The following PCDHGA3 variants were observed in gnomAD, a reference collection of about 807,000 sequenced individuals.
PCDHGA3 encodes protocadherin gamma-A3.
Under a neutral mutation model 58.5 loss-of-function variants are expected in PCDHGA3, and 40 were observed. The observed-to-expected ratio is 0.68, with a 90% confidence interval of 0.53 to 0.89. PCDHGA3 has a LOEUF of 0.89. Among genes scored for constraint, PCDHGA3 ranks in the 40% least tolerant of loss-of-function variants. The probability of loss-of-function intolerance (pLI) is 0.00; values close to 1 mark genes in which losing one functional copy is unlikely to be tolerated. For synonymous variants in PCDHGA3, 530 were observed against 525.7 expected (o/e 1.01, Z -0.11); for missense variants, 1,223 against 1,195.9 (o/e 1.02, Z -0.33).
chr5:141,496,225 G>C (rs112222482), intron 2 of PCDHGA3, among the ~76,000 whole-genome samples: 178 of 152,276 alleles, frequency 1.2e-3, no homozygotes, highest in Non-Finnish European at 1.8e-3. Context: ...TGCTGAGACA[G>C]GAACCCCCTG....
chr5:141,345,533 C>T lies in PCDHGA3; in HGVS notation c.1500C>T (p.Pro500=), dbSNP rs1283128713. ...ALTEDTLQGA[P]LSSFVSINSN... is the part of the protein sequence containing the mutation. ...CCGAGGACACTCTCCAGGGGGCGCC[C>T]CTGTCCTCCTTCGTCTCTATCAACT... is the stretch of plus-strand genomic sequence containing the variant. Residue 500 remains proline, a synonymous_variant, in exon 1 of 4, where the codon CCC becomes CCT. Coordinates refer to ENST00000253812, the MANE Select transcript of PCDHGA3 (RefSeq NM_018916.4). The T allele has an allele frequency of 1.9e-6, 3 of 1,614,176 alleles. No individual in the cohort carries two copies. The highest frequency in any genetic ancestry group is 4.5e-5 in the East Asian group (2 of 44,880).
Position 141,345,077 on chromosome 5 carries a change from A to T in PCDHGA3, c.1044A>T (p.Thr348=). The T allele has an allele frequency of 1.2e-6, 2 of 1,613,982 alleles. No homozygotes were observed. Among genetic ancestry groups the T allele is most frequent in the Non-Finnish European group, 1.7e-6 (2 of 1,179,878 alleles). Residue 348 remains threonine (T), a synonymous_variant, in exon 1 of 4, where the codon ACA becomes ACT. Coordinates refer to ENST00000253812, the MANE Select transcript of PCDHGA3 (RefSeq NM_018916.4). ...LDVNDNAPEI[T]ITSLTSSVPE... is the part of the protein sequence containing the mutation. ...TGAATGACAATGCTCCAGAAATTACAATCACGTCTCTCACAAGCTCAGTCC... is the reference window on the plus strand; with the variant it reads ...TGAATGACAATGCTCCAGAAATTACTATCACGTCTCTCACAAGCTCAGTCC...
intron 1 of PCDHGA3, chr5:141,362,657 G>A (rs564342376): frequency 1.6e-5 from 23 of 1,396,834 alleles, no homozygotes; most frequent in Admixed American, 2.6e-5. Flanking sequence ...GTTAGATTTG[G>A]CCAATGTTGT....
rs1230384508 is a variant in PCDHGA3 at position 141,490,990 on chromosome 5, C to T, written c.2425-3817C>T. On this transcript the variant is annotated intron_variant, in intron 1 of 3. Coordinates refer to ENST00000253812, the MANE Select transcript of PCDHGA3 (RefSeq NM_018916.4). The surrounding 1 kb of genome is among the most constrained non-coding windows in gnomAD (Gnocchi z 5.4). ...CCCCCAGCGTCTCCCTCGCTCTGCT[C>T]CTCCTGGCTCCTTGGTCACCAAGGT... 6 of 1,614,102 alleles carry T rather than the reference C, an allele frequency of 3.7e-6. No homozygotes were observed. The highest frequency in any genetic ancestry group is 1.3e-5 in the African/African-American group (1 of 75,064).
chr5:141,405,439 A>G (rs1285285172), intron 1 of PCDHGA3: 1 of 1,423,798 alleles, frequency 7.0e-7, no homozygotes, highest in Admixed American at 2.0e-5. Context: ...TTTGTTTTTG[A>G]GACAGAGTCT....
intron 1 of PCDHGA3, chr5:141,383,669 T>C (rs1208890643): frequency 1.2e-6 from 2 of 1,613,784 alleles, no homozygotes; most frequent in Non-Finnish European, 1.7e-6. Flanking sequence ...AATGTGCCAG[T>C]GGGTACAAGA....
In PCDHGA3 at chr5:141,489,406, A is replaced by T; in HGVS notation, c.2425-5401A>T. 6.2e-7 allele frequency: 1 copy of T among 1,614,166 alleles called. No individual in the cohort carries two copies. Among genetic ancestry groups the T allele is most frequent in the Non-Finnish European group, 8.5e-7 (1 of 1,180,028 alleles). Reference sequence around the variant, plus strand: ...TGTTGCTCAGGATCTGGGCTTAAAGATGACAGATCTGTTGAGCCGGCGGCT... The same window carrying T: ...TGTTGCTCAGGATCTGGGCTTAAAGTTGACAGATCTGTTGAGCCGGCGGCT... On this transcript the variant is annotated intron_variant, in intron 1 of 3. Coordinates refer to ENST00000253812, the MANE Select transcript of PCDHGA3 (RefSeq NM_018916.4). This position sits in a 1 kb window ranked among gnomAD's most constrained non-coding sequence, Gnocchi z 4.5.
rs1452714844 is a variant in PCDHGA3, at chr5:141,389,265, G to A, written c.2424+42808G>A. ...GTCTTCCTATATAGTCCACGTGGCC[G>A]AGAACAACCCGCCTGGAGCCTCTAT... On this transcript the variant is annotated intron_variant, in intron 1 of 3. Transcript: ENST00000253812. 3.7e-6 allele frequency: 6 copies of A among 1,613,886 alleles called. No homozygotes were observed. The highest frequency in any genetic ancestry group is 4.5e-5 in the East Asian group (2 of 44,886).
chr5:141,489,427 C>G lies in PCDHGA3; in HGVS notation c.2425-5380C>G, dbSNP rs370540900. ...AAAGATGACAGATCTGTTGAGCCGG[C>G]GGCTGCAATTGGGCTCTGAGGAGAA... On this transcript the variant is annotated intron_variant, in intron 1 of 3. Transcript: ENST00000253812. The surrounding 1 kb of genome is among the most constrained non-coding windows in gnomAD (Gnocchi z 4.5). 6.2e-7 allele frequency: 1 copy of G among 1,614,108 alleles called. No homozygotes were observed. Among genetic ancestry groups the G allele is most frequent in the South Asian group, 1.1e-5 (1 of 91,086 alleles).
At chr5:141,421,913 T>C in intron 1 of PCDHGA3, 1 of 1,613,710 alleles carries the variant, frequency 6.2e-7, no homozygotes, top group Non-Finnish European at 8.5e-7. Context: ...GCAGTTCCCA[T>C]TCGTGTGGTG....
At chr5:141,355,234 C>A in intron 1 of PCDHGA3, 1 of 1,612,190 alleles carries the variant, frequency 6.2e-7, no homozygotes, top group Non-Finnish European at 8.5e-7. Flanking sequence ...AGACCACACC[C>A]GGCTGCTCCA....
chr5:141,444,762 T>A (rs767523211), intron 1 of PCDHGA3, among the ~76,000 whole-genome samples: 2 of 152,248 alleles, frequency 1.3e-5, no homozygotes, highest in Non-Finnish European at 2.9e-5. Flanking sequence ...TAGTTCTATT[T>A]CTATATTCTT....
At chr5:141,378,114 A>T (rs1024564517) in intron 1 of PCDHGA3, 1 of 152,284 alleles carries the variant, frequency 6.6e-6, no homozygotes, top group African/African-American at 2.4e-5. Flanking sequence ...CAGCATAGTG[A>T]ACACGTATTT....
At chr5:141,433,261 A>G (rs761584659) in intron 1 of PCDHGA3, 4 of 1,344,710 alleles carry the variant, frequency 3.0e-6, no homozygotes, top group Non-Finnish European at 4.1e-6. Context: ...CGGTACGATC[A>G]TAGCTCACTG....
chr5:141,365,294 C>G, intron 1 of PCDHGA3: 1 of 1,613,974 alleles, frequency 6.2e-7, no homozygotes, highest in Non-Finnish European at 8.5e-7. Context: ...AGTGGTAGCT[C>G]AGGATGGAGG....
chr5:141,475,202 G>T (rs746895166), intron 1 of PCDHGA3, among the ~76,000 whole-genome samples: 38 of 152,086 alleles, frequency 2.5e-4, no homozygotes, highest in Non-Finnish European at 5.3e-4. Context: ...CAAGATCTTG[G>T]GAAAAGGATT....
rs185704620 is a variant in PCDHGA3, at chr5:141,396,920, C to T, written c.2424+50463C>T. Among the ~76,000 whole-genome samples the T allele has an allele frequency of 3.3e-5, 5 of 152,316 alleles. No individual in the cohort carries two copies. In the East Asian group the frequency reaches 7.7e-4, roughly 23 times the overall value. ...TATTGGCACTTTGCAATTTTAAAAACTCGGATGAAAGTTGCCCTGGTAGGA... is the reference window on the plus strand; with the variant it reads ...TATTGGCACTTTGCAATTTTAAAAATTCGGATGAAAGTTGCCCTGGTAGGA... On this transcript the variant is annotated intron_variant, in intron 1 of 3. Transcript: ENST00000253812.
intron 1 of PCDHGA3, among the ~76,000 whole-genome samples, chr5:141,474,990 A>G (rs1245269630): frequency 6.6e-6 from 1 of 152,222 alleles, no homozygotes; most frequent in African/African-American, 2.4e-5. Context: ...GGTGACAACA[A>G]TTCTAAATGC....
chr5:141,408,974 G>C lies in PCDHGA3; in HGVS notation c.2424+62517G>C, dbSNP rs899313364. 8.7e-6 allele frequency: 14 copies of C among 1,613,690 alleles called. No individual in the cohort carries two copies. In the African/African-American group the frequency reaches 1.9e-4, roughly 22 times the overall value. On this transcript the variant is annotated intron_variant, in intron 1 of 3. Transcript: ENST00000253812. ...TAGTCTTAGTGAAAATCTGCCCCCT[G>C]GGTCCCCTGTGTTGCAAGTGACAGC...
Sources: allele counts gnomAD v4.1 joint callset (sites outside exome capture counted in the v4.1 genomes callset), GRCh38; gene constraint gnomAD v4.1.1; non-coding constraint Gnocchi (gnomAD v3.1); transcripts MANE v1.5; gene names NCBI Gene and HGNC (gene_info 2026-07-23, HGNC 2026-07-21).